The following CHD7 variants were observed in gnomAD, a reference collection of about 807,000 sequenced individuals.
CHD7 encodes the protein ATP-dependent chromatin remodeler CHD7.
CHD7 carries 24 observed loss-of-function variants against 307.3 expected under a neutral mutation model. That is an observed-to-expected ratio of 0.08 (90% CI 0.06 to 0.11). The LOEUF (loss-of-function observed/expected upper bound fraction) is 0.11, where lower values mean the gene tolerates loss of function less well. CHD7 is among the 10% of genes least tolerant of loss of function. The probability of loss-of-function intolerance (pLI) is 1.00; values close to 1 mark genes in which losing one functional copy is unlikely to be tolerated. For synonymous variants in CHD7, 1,363 were observed against 1,349.9 expected (o/e 1.01, Z -0.21); for missense variants, 3,106 against 3,727.1 (o/e 0.83, Z 4.34).
chr8:60,808,157 C>T, intron 6 of CHD7, 60 bp from the exon 7 acceptor site: 1 of 1,177,730 alleles, frequency 8.5e-7, no homozygotes, highest in Non-Finnish European at 1.2e-6. Context: ...TAAATCATTA[C>T]TTTTAAAATA....
intron 19 of CHD7, among the ~76,000 whole-genome samples, chr8:60,840,180 A>G (rs1317932702): frequency 1.3e-5 from 2 of 152,176 alleles, no homozygotes; most frequent in Non-Finnish European, 2.9e-5. Context: ...TAGGGGTCCA[A>G]CGTTCGTTTT....
intron 2 of CHD7, among the ~76,000 whole-genome samples, chr8:60,757,296 A>G (rs1182611313): frequency 6.6e-6 from 1 of 152,202 alleles, no homozygotes; most frequent in Non-Finnish European, 1.5e-5. Flanking sequence ...TTTAATTTTA[A>G]CCAACTTAAA....
At chr8:60,693,271 G>A (rs1292333697) in intron 1 of CHD7, among the ~76,000 whole-genome samples, 2 of 152,234 alleles carry the variant, frequency 1.3e-5, no homozygotes, top group Non-Finnish European at 2.9e-5. Flanking sequence ...GGAGAGTACA[G>A]CAAAGACCCA....
chr8:60,794,468 G>A (rs563481519), intron 3 of CHD7, among the ~76,000 whole-genome samples: 17 of 152,222 alleles, frequency 1.1e-4, no homozygotes, highest in African/African-American at 3.6e-4. Flanking sequence ...TGTACAACAG[G>A]AAATTGCTAT....
At chr8:60,691,148 A>T (rs2150488714) in intron 1 of CHD7, among the ~76,000 whole-genome samples, 1 of 151,942 alleles carries the variant, frequency 6.6e-6, no homozygotes, top group South Asian at 2.1e-4. Flanking sequence ...CTGGTCTCGA[A>T]CTCCTCACCT....
intron 1 of CHD7, among the ~76,000 whole-genome samples, chr8:60,716,928 G>A (rs533906351): frequency 2.6e-4 from 40 of 152,074 alleles, no homozygotes; most frequent in African/African-American, 8.4e-4. Flanking sequence ...AGCAAATATT[G>A]TTACACTATA....
intron 2 of CHD7, among the ~76,000 whole-genome samples, chr8:60,767,582 G>A (rs1264516755): frequency 6.6e-6 from 1 of 152,228 alleles, no homozygotes; most frequent in Non-Finnish European, 1.5e-5. Context: ...TATCTGTGCT[G>A]TTGCAGCCAC....
intron 34 of CHD7, among the ~76,000 whole-genome samples, chr8:60,857,371 A>T (rs1250755729): frequency 9.2e-5 from 14 of 152,246 alleles, no homozygotes; most frequent in Admixed American, 9.2e-4. Flanking sequence ...AATAGGTTTG[A>T]ATAGAATGTG....
Position 60,853,134 on chromosome 8 carries a change from G to T in CHD7, c.6409G>T (p.Ala2137Ser). 6.2e-7 allele frequency: 1 copy of T among 1,613,910 alleles called. No individual in the cohort carries two copies. The highest frequency in any genetic ancestry group is 8.5e-7 in the Non-Finnish European group (1 of 1,179,866). The change falls in exon 31 of 38, where the codon GCA becomes TCA. Residue 2137 changes from alanine to serine, a missense_variant. This residue lies in a region of CHD7 where 1,030 missense variants were observed against 1,165.4 expected (regional missense o/e 0.88). Coordinates refer to ENST00000423902, the MANE Select transcript of CHD7 (RefSeq NM_017780.4). ...AHKNFAQNRG[A>S]GNTSSLNPLA... ...TAAAAACTTTGCTCAAAACAGAGGG[G>T]CAGGTAATACATCTTCCTTGAACCC...
intron 1 of CHD7, among the ~76,000 whole-genome samples, chr8:60,732,482 T>C (rs922907267): frequency 9.9e-5 from 15 of 152,222 alleles, no homozygotes; most frequent in African/African-American, 3.4e-4. Flanking sequence ...AGACAGAGCA[T>C]GGCCACAGGG....
chr8:60,737,372 T>TTTCA (rs1393687049), intron 1 of CHD7, among the ~76,000 whole-genome samples: 3 of 152,210 alleles, frequency 2.0e-5, no homozygotes, highest in Admixed American at 1.3e-4. Context: ...TAAGCTGCTG[T>TTTCA]TTCATTCATT....
At chr8:60,763,243 T>A (rs1786671283) in intron 2 of CHD7, among the ~76,000 whole-genome samples, 1 of 152,220 alleles carries the variant, frequency 6.6e-6, no homozygotes, top group South Asian at 2.1e-4. Context: ...TTTCAACAAA[T>A]CATATTTAAT....
chr8:60,865,821 G>A lies in CHD7; in HGVS notation c.8882G>A (p.Ser2961Asn). Residue 2961 changes from serine (S) to asparagine (N), a missense_variant, in exon 38 of 38, where the codon AGC becomes AAC. Around this residue, in one of 10 missense-constraint regions of CHD7, gnomAD observed 351 missense variants for 366.2 expected, o/e 0.96. Coordinates refer to ENST00000423902, the MANE Select transcript of CHD7 (RefSeq NM_017780.4). The surrounding 1 kb of genome is among the most constrained non-coding windows in gnomAD (Gnocchi z 4.3). ...CTTGAAGGCAGCGATGCCGAGGAGAGCCTGGATAAGACTGCAGAGTCCTCC... is the reference window on the plus strand; with the variant it reads ...CTTGAAGGCAGCGATGCCGAGGAGAACCTGGATAAGACTGCAGAGTCCTCC... ...ETLEGSDAEE[S>N]LDKTAESSLL... is the part of the protein sequence containing the mutation. The A allele has an allele frequency of 6.2e-7, 1 of 1,613,902 alleles. No homozygotes were observed. Among genetic ancestry groups the A allele is most frequent in the Non-Finnish European group, 8.5e-7 (1 of 1,179,836 alleles).
At chr8:60,795,573 A>G (rs1811985883) in intron 4 of CHD7, among the ~76,000 whole-genome samples, 1 of 152,202 alleles carries the variant, frequency 6.6e-6, no homozygotes, top group Non-Finnish European at 1.5e-5. Context: ...CTGGCACTCA[A>G]AGTTGAGATA....
chr8:60,700,599 A>G (rs1433685578), intron 1 of CHD7, among the ~76,000 whole-genome samples: 1 of 152,244 alleles, frequency 6.6e-6, no homozygotes, highest in Non-Finnish European at 1.5e-5. Context: ...GCAACCTAAA[A>G]GTCCTGCCTG....
intron 2 of CHD7, among the ~76,000 whole-genome samples, chr8:60,761,751 GT>G (rs966594899): frequency 2.6e-5 from 4 of 152,032 alleles, no homozygotes; most frequent in Admixed American, 1.3e-4. Context: ...CTAAGTGAAT[GT>G]TTTTTGGAGT....
chr8:60,829,409 C>G (rs1174661135), intron 14 of CHD7, among the ~76,000 whole-genome samples: 3 of 152,036 alleles, frequency 2.0e-5, no homozygotes, highest in Non-Finnish European at 2.9e-5. Flanking sequence ...ACCAGCCTGG[C>G]CAATATGGTG....
At chr8:60,813,696 G>A (rs960726701) in intron 7 of CHD7, among the ~76,000 whole-genome samples, 1 of 151,922 alleles carries the variant, frequency 6.6e-6, no homozygotes. Flanking sequence ...TGTATTTTTA[G>A]TGAATTTCCT....
intron 1 of CHD7, among the ~76,000 whole-genome samples, chr8:60,699,586 C>G (rs995212285): frequency 6.6e-6 from 1 of 151,910 alleles, no homozygotes; most frequent in Non-Finnish European, 1.5e-5. Context: ...TGTCCCATTG[C>G]TATGGAATAT....
Sources: gnomAD v4.1 joint callset for allele counts (sites outside exome capture counted in the v4.1 genomes callset) on GRCh38, gnomAD v4.1.1 for gene constraint, gnomAD v4.1.1 regional missense constraint, Gnocchi (gnomAD v3.1) non-coding constraint, MANE v1.5 for transcripts, NCBI Gene and HGNC (gene_info 2026-07-23, HGNC 2026-07-21) for gene names.